The following KCNB2 variants were observed in gnomAD, a reference collection of about 807,000 sequenced individuals.
The protein encoded by KCNB2 is potassium voltage-gated channel subfamily B member 2.
KCNB2 carries 15 observed loss-of-function variants against 61.5 expected under a neutral mutation model. The observed-to-expected ratio is 0.24, with a 90% CI of 0.16 to 0.38. KCNB2 has a LOEUF of 0.38. Among genes scored for constraint, KCNB2 ranks in the 10% least tolerant of loss-of-function variants. The pLI, the probability that KCNB2 is intolerant of heterozygous loss-of-function variation, is 1.00. For synonymous variants in KCNB2, 457 were observed against 446.0 expected (o/e 1.02, Z -0.31); for missense variants, 828 against 1,125.2 (o/e 0.74, Z 3.78).
rs1175204905 is a variant in KCNB2 at position 72,936,115 on chromosome 8, T to C, written c.760T>C (p.Ser254Pro). 1 of 1,614,092 alleles carries C rather than the reference T, an allele frequency of 6.2e-7. No homozygotes were observed. The highest frequency in any genetic ancestry group is 1.3e-5 in the African/African-American group (1 of 74,930). The change falls in exon 3 of 3, where the codon TCC becomes CCC. Residue 254 changes from serine to proline, a missense_variant. This residue lies in a region of KCNB2 where 163 missense variants were observed against 314.4 expected (regional missense o/e 0.52). Transcript: ENST00000523207. This position sits in a 1 kb window ranked among gnomAD's most constrained non-coding sequence, Gnocchi z 5.6. ...CATGGAGTACCTTTTGCGATTCTTA[T>C]CCTCACCAAATAAATGGAAGTTCTT... ...FTMEYLLRFL[S>P]SPNKWKFFKG...
At chr8:72,739,596 C>T (rs927434098) in intron 2 of KCNB2, among the ~76,000 whole-genome samples, 1 of 151,676 alleles carries the variant, frequency 6.6e-6, no homozygotes, top group African/African-American at 2.4e-5. Flanking sequence ...GGTGCAAAAA[C>T]GATGATAAAT....
chr8:72,859,352 T>C (rs1810258431), intron 2 of KCNB2, among the ~76,000 whole-genome samples: 1 of 152,194 alleles, frequency 6.6e-6, no homozygotes. Context: ...TCAAATAACA[T>C]CATTATTGAA....
At chr8:72,923,779 C>T (rs13262209) in intron 2 of KCNB2, among the ~76,000 whole-genome samples, 8,713 of 152,128 alleles carry the variant, frequency 0.057, 358 homozygotes, top group South Asian at 0.088. Flanking sequence ...TCAAATAGGA[C>T]GTAATAAGGA....
At chr8:72,800,912 CAG>C (rs1465135012) in intron 2 of KCNB2, among the ~76,000 whole-genome samples, 1 of 152,264 alleles carries the variant, frequency 6.6e-6, no homozygotes, top group African/African-American at 2.4e-5. Context: ...CCCATAGGTG[CAG>C]AGTCTTCCTG....
intron 2 of KCNB2, among the ~76,000 whole-genome samples, chr8:72,745,126 AGAACT>A (rs1808036258): frequency 6.6e-6 from 1 of 152,222 alleles, no homozygotes; most frequent in African/African-American, 2.4e-5. Flanking sequence ...TGATCCAGAG[AGAACT>A]GGTGCCAACT....
intron 2 of KCNB2, among the ~76,000 whole-genome samples, chr8:72,693,115 T>C (rs1481455396): frequency 5.9e-5 from 9 of 152,204 alleles, no homozygotes; most frequent in African/African-American, 2.2e-4. Flanking sequence ...CTTGTCTAAT[T>C]TGAACAAATG....
intron 2 of KCNB2, among the ~76,000 whole-genome samples, chr8:72,930,795 A>C (rs1806765798): frequency 6.6e-6 from 1 of 152,078 alleles, no homozygotes; most frequent in African/African-American, 2.4e-5. Context: ...GAAGCTCTTT[A>C]GTTTAATTAG....
chr8:72,708,513 A>C (rs1585843335), intron 2 of KCNB2, among the ~76,000 whole-genome samples: 1 of 152,276 alleles, frequency 6.6e-6, no homozygotes, highest in East Asian at 1.9e-4. Context: ...CTGGTGCATT[A>C]TCTTAGAGTG....
chr8:72,574,082 A>G (rs150746935), intron 2 of KCNB2, among the ~76,000 whole-genome samples: 50 of 152,376 alleles, frequency 3.3e-4, no homozygotes, highest in Non-Finnish European at 6.6e-4. Flanking sequence ...TGTATCATCC[A>G]TGAAGACTAA....
intron 2 of KCNB2, among the ~76,000 whole-genome samples, chr8:72,844,465 CT>C (rs1232930207): frequency 6.6e-6 from 1 of 152,066 alleles, no homozygotes; most frequent in Non-Finnish European, 1.5e-5. Context: ...TCTATATTTC[CT>C]GAATTTGAAT....
At chr8:72,627,067 T>C (rs1381787115) in intron 2 of KCNB2, among the ~76,000 whole-genome samples, 1 of 152,228 alleles carries the variant, frequency 6.6e-6, no homozygotes, top group African/African-American at 2.4e-5. Flanking sequence ...CCCCATCAGT[T>C]TGATAATGCC....
chr8:72,606,861 G>A (rs1450622310), intron 2 of KCNB2, among the ~76,000 whole-genome samples: 1 of 152,184 alleles, frequency 6.6e-6, no homozygotes, highest in South Asian at 2.1e-4. Flanking sequence ...CCAGGTTCTA[G>A]ATTCTAAGAC....
chr8:72,756,766 G>A (rs560137308), intron 2 of KCNB2, among the ~76,000 whole-genome samples: 1 of 152,278 alleles, frequency 6.6e-6, no homozygotes, highest in East Asian at 1.9e-4. Context: ...ATGAAGAGGT[G>A]GGACAGCTTT....
chr8:72,902,182 G>A (rs1051104665), intron 2 of KCNB2, among the ~76,000 whole-genome samples: 2 of 152,136 alleles, frequency 1.3e-5, no homozygotes, highest in Non-Finnish European at 2.9e-5. Context: ...GTGGCACATA[G>A]ACAAGGGTGT....
At chr8:72,679,391 A>G (rs1231449022) in intron 2 of KCNB2, among the ~76,000 whole-genome samples, 4 of 152,212 alleles carry the variant, frequency 2.6e-5, no homozygotes, top group Non-Finnish European at 5.9e-5. Flanking sequence ...GCCTTTCATC[A>G]CATGATAATG....
At chr8:72,683,013 G>A (rs1007010181) in intron 2 of KCNB2, among the ~76,000 whole-genome samples, 6 of 152,244 alleles carry the variant, frequency 3.9e-5, no homozygotes, top group East Asian at 1.9e-4. Context: ...CTTGTTTATC[G>A]TGTATCTATA....
chr8:72,773,780 C>A (rs1472864852), intron 2 of KCNB2, among the ~76,000 whole-genome samples: 1 of 152,096 alleles, frequency 6.6e-6, no homozygotes, highest in Non-Finnish European at 1.5e-5. Context: ...TAATTTTGTA[C>A]CTAAGAACTT....
chr8:72,648,972 T>A (rs1029125407), intron 2 of KCNB2, among the ~76,000 whole-genome samples: 2 of 151,348 alleles, frequency 1.3e-5, no homozygotes, highest in East Asian at 1.9e-4. Flanking sequence ...CAAGTTTTTT[T>A]ATTTTTTTTC....
chr8:72,806,666 T>A (rs1045342752), intron 2 of KCNB2, among the ~76,000 whole-genome samples: 1 of 152,130 alleles, frequency 6.6e-6, no homozygotes, highest in Non-Finnish European at 1.5e-5. Context: ...AATAAAATCC[T>A]TAATAGAAAA....
Sources: allele counts gnomAD v4.1 joint callset (sites outside exome capture counted in the v4.1 genomes callset), GRCh38; gene constraint gnomAD v4.1.1; regional missense constraint gnomAD v4.1.1; non-coding constraint Gnocchi (gnomAD v3.1); transcripts MANE v1.5; gene names NCBI Gene and HGNC (gene_info 2026-07-23, HGNC 2026-07-21).